The following RNF13 variants were observed in gnomAD, a reference collection of about 807,000 sequenced individuals.
RNF13 encodes the protein E3 ubiquitin-protein ligase RNF13.
In RNF13, 19 loss-of-function variants were observed where a neutral mutation model predicts 37.7. The ratio of observed to expected loss-of-function variants is 0.50; its 90% CI spans 0.35 to 0.74. The LOEUF (loss-of-function observed/expected upper bound fraction) is 0.74. RNF13 is among the 30% of genes least tolerant of loss of function. The pLI, the probability that RNF13 is intolerant of heterozygous loss-of-function variation, is 0.01. For synonymous variants in RNF13, 144 were observed against 157.8 expected (o/e 0.91, Z 0.65); for missense variants, 375 against 453.0 (o/e 0.83, Z 1.56).
chr3:149,943,518 T>G (rs1720479059), intron 8 of RNF13, among the ~76,000 whole-genome samples: 1 of 152,334 alleles, frequency 6.6e-6, no homozygotes, highest in African/African-American at 2.4e-5. Flanking sequence ...TGAACCTACA[T>G]GGACACATTG....
chr3:149,941,255 A>G (rs543001024), intron 8 of RNF13, among the ~76,000 whole-genome samples: 1 of 151,948 alleles, frequency 6.6e-6, no homozygotes, highest in Non-Finnish European at 1.5e-5. Flanking sequence ...TTGTCTTTTT[A>G]ATTTTAGGAG....
intron 8 of RNF13, among the ~76,000 whole-genome samples, chr3:149,931,436 GCT>G (rs1274506335): frequency 1.3e-5 from 2 of 151,710 alleles, no homozygotes; most frequent in African/African-American, 4.8e-5. Flanking sequence ...AATTTAATTT[GCT>G]CTGTTTCTAG....
At chr3:149,956,237 GA>G (rs1205503257) in intron 8 of RNF13, among the ~76,000 whole-genome samples, 1 of 152,146 alleles carries the variant, frequency 6.6e-6, no homozygotes, top group Non-Finnish European at 1.5e-5. Context: ...CATGGGGCAG[GA>G]CTAGATGGGA....
intron 7 of RNF13, among the ~76,000 whole-genome samples, chr3:149,920,679 T>C (rs900852942): frequency 2.6e-5 from 4 of 152,134 alleles, no homozygotes; most frequent in Admixed American, 1.3e-4. Context: ...TCTGAATATT[T>C]GTAGTGAAGG....
At chr3:149,938,861 G>A (rs1451542549) in intron 8 of RNF13, 6 of 305,728 alleles carry the variant, frequency 2.0e-5, no homozygotes, top group Non-Finnish European at 3.7e-5. Context: ...TGGCAATAGA[G>A]CCTGGACAAC....
At chr3:149,832,510 T>C (rs1721161191) in intron 1 of RNF13, among the ~76,000 whole-genome samples, 1 of 152,128 alleles carries the variant, frequency 6.6e-6, no homozygotes, top group South Asian at 2.1e-4. Context: ...TCATTTATCC[T>C]CCAAAACCAT....
chr3:149,925,808 T>C (rs922622356), intron 8 of RNF13, among the ~76,000 whole-genome samples: 1 of 152,228 alleles, frequency 6.6e-6, no homozygotes, highest in Middle Eastern at 3.2e-3. Flanking sequence ...AAGTGATTGA[T>C]GGTACCAATT....
At chr3:149,929,523 GGATTT>G (rs1291221585) in intron 8 of RNF13, among the ~76,000 whole-genome samples, 4 of 152,040 alleles carry the variant, frequency 2.6e-5, no homozygotes, top group Admixed American at 6.6e-5. Flanking sequence ...TTTCCAACAT[GGATTT>G]ATTTCATTTT....
chr3:149,871,649 T>G (rs998178350), intron 3 of RNF13, among the ~76,000 whole-genome samples: 2 of 152,036 alleles, frequency 1.3e-5, no homozygotes, highest in African/African-American at 4.8e-5. Flanking sequence ...TCTAGAAATT[T>G]ATTTATTATG....
chr3:149,933,489 G>C (rs1183755152), intron 8 of RNF13, among the ~76,000 whole-genome samples: 1 of 151,850 alleles, frequency 6.6e-6, no homozygotes, highest in East Asian at 1.9e-4. Context: ...TTTGCTGTTG[G>C]CATATACAAA....
intron 3 of RNF13, among the ~76,000 whole-genome samples, chr3:149,858,094 T>C (rs1723838872): frequency 6.6e-6 from 1 of 152,226 alleles, no homozygotes; most frequent in Non-Finnish European, 1.5e-5. Context: ...TCTTCACATA[T>C]GCCCACTTCT....
chr3:149,842,005 T>G (rs1421995718), intron 1 of RNF13, among the ~76,000 whole-genome samples: 2 of 152,156 alleles, frequency 1.3e-5, no homozygotes, highest in African/African-American at 4.8e-5. Flanking sequence ...GACCAATGCC[T>G]TACTTCCCCC....
intron 4 of RNF13, among the ~76,000 whole-genome samples, chr3:149,878,729 A>G (rs1050844306): frequency 1.3e-5 from 2 of 152,110 alleles, no homozygotes; most frequent in African/African-American, 4.8e-5. Flanking sequence ...CTAGGTTTTG[A>G]GAATTATCTC....
intron 1 of RNF13, among the ~76,000 whole-genome samples, chr3:149,815,512 A>G (rs1017631695): frequency 2.0e-5 from 3 of 152,226 alleles, no homozygotes; most frequent in African/African-American, 7.2e-5. Flanking sequence ...TGCATATGAT[A>G]GTTTCACATG....
intron 1 of RNF13, among the ~76,000 whole-genome samples, chr3:149,829,539 T>C (rs960059819): frequency 3.9e-5 from 6 of 152,232 alleles, no homozygotes; most frequent in African/African-American, 1.4e-4. Flanking sequence ...TTAAAAATCT[T>C]AGATTATGCT....
chr3:149,958,798 C>T (rs1260406523), intron 8 of RNF13, among the ~76,000 whole-genome samples: 1 of 152,186 alleles, frequency 6.6e-6, no homozygotes, highest in East Asian at 1.9e-4. Context: ...TCACCAAATT[C>T]CACACACAAG....
Position 149,872,051 on chromosome 3 carries a change from C to G in RNF13, c.218C>G (p.Pro73Arg). 1.3e-6 allele frequency: 2 copies of G among 1,598,246 alleles called. No homozygotes were observed. Among genetic ancestry groups the G allele is most frequent in the Non-Finnish European group, 1.7e-6 (2 of 1,175,202 alleles). The change falls in exon 4 of 10, where the codon CCA becomes CGA. Residue 73 changes from proline to arginine, a missense_variant. By Grantham distance (103) the Pro-to-Arg change is moderately radical (BLOSUM62 -2). Transcript: ENST00000392894. Reference sequence around the variant, plus strand: ...CAGGGTTTTTTGATTAACTCAAAACCAGAGAATGCCTGTGAACCCATAGTG... The same window carrying G: ...CAGGGTTTTTTGATTAACTCAAAACGAGAGAATGCCTGTGAACCCATAGTG... ...GLKGFLINSKPENACEPIVPP... is the reference protein window; with the variant it reads ...GLKGFLINSKRENACEPIVPP...
At position 149,852,630 on chromosome 3, in the gene RNF13, A is replaced by G. The variant is rs1230371812; in HGVS notation, c.195+34A>G. The G allele has an allele frequency of 5.0e-6, 5 of 992,066 alleles. No homozygotes were observed. In the African/African-American group the frequency reaches 6.7e-5, roughly 13 times the overall value. The allele number at this position is 992,066 out of a possible 1,614,324, so 61.5% of individuals were successfully genotyped here. On this transcript the variant is annotated intron_variant, in intron 3 of 9. Transcript: ENST00000392894. ...GTTGGTAATACATTGTAAAGACACA[A>G]GGTATTTAATAAGGTGATTTTTATT... is the stretch of plus-strand genomic sequence containing the variant.
intron 6 of RNF13, among the ~76,000 whole-genome samples, chr3:149,903,028 G>A (rs1045458551): frequency 7.9e-5 from 12 of 151,964 alleles, no homozygotes; most frequent in Non-Finnish European, 1.8e-4. Flanking sequence ...AATTATTTAG[G>A]GGGAAAAGAA....
Sources: allele counts gnomAD v4.1 joint callset (sites outside exome capture counted in the v4.1 genomes callset), GRCh38; gene constraint gnomAD v4.1.1; transcripts MANE v1.5; gene names NCBI Gene and HGNC (gene_info 2026-07-23, HGNC 2026-07-21).